CD81: variants seen among roughly 807,000 people sequenced by gnomAD.
The protein encoded by CD81 is CD81 molecule.
In CD81, 10 loss-of-function variants were observed where a neutral mutation model predicts 30.1. The observed-to-expected ratio is 0.33, with a 90% CI of 0.21 to 0.56. CD81 has a LOEUF of 0.56. Ranked by LOEUF, CD81 falls within the 20% of genes least tolerant of loss-of-function variation. CD81 has a pLI of 0.89. For missense variants in CD81, 263 were observed against 308.7 expected (o/e 0.85, Z 1.11); for synonymous variants, 147 against 126.4 (o/e 1.16, Z -1.10).
At chr11:2,387,417 G>A (rs1849816864) in intron 1 of CD81, among the ~76,000 whole-genome samples, 1 of 152,210 alleles carries the variant, frequency 6.6e-6, no homozygotes, top group Non-Finnish European at 1.5e-5. Context: ...GTTTTCAAAG[G>A]CCCTGGAGGA....
At chr11:2,392,230 G>A (rs1849912409) in intron 2 of CD81, 1 of 152,372 alleles carries the variant, frequency 6.6e-6, no homozygotes, top group South Asian at 2.1e-4. Flanking sequence ...TGTGGGGTCG[G>A]CGTCGGGCCC....
chr11:2,393,381 T>C (rs1322094623), intron 2 of CD81: 2 of 157,426 alleles, frequency 1.3e-5, no homozygotes, highest in Non-Finnish European at 2.8e-5. Flanking sequence ...CCAGGGAGCG[T>C]GGGGGAGTTC....
intron 2 of CD81, chr11:2,393,653 G>T: frequency 1.9e-6 from 1 of 538,488 alleles, no homozygotes; most frequent in East Asian, 3.1e-5. Flanking sequence ...CTCAACCCCG[G>T]CCTACAGTGG....
rs192944421 is a variant in CD81, at chr11:2,388,584, C to T, written c.67-1828C>T. On this transcript the variant is annotated intron_variant, in intron 1 of 7. Coordinates refer to ENST00000263645, the MANE Select transcript of CD81 (RefSeq NM_004356.4). ...AGCCCTGCATCTGTGGTGGGGTCGG[C>T]GCCTGGTGCTGGTGAGGCAAGGCCT... Among the ~76,000 whole-genome samples, 45 of 152,332 alleles carry T rather than the reference C, an allele frequency of 3.0e-4. No homozygotes were observed. The East Asian group carries it at 5.2e-3, about 18-fold the overall frequency.
At chr11:2,379,984 G>T (rs1849678131) in intron 1 of CD81, among the ~76,000 whole-genome samples, 1 of 152,150 alleles carries the variant, frequency 6.6e-6, no homozygotes, top group African/African-American at 2.4e-5. Flanking sequence ...CCAACACACT[G>T]CTCTGGTCCT....
At chr11:2,396,148 G>C in intron 6 of CD81, 178 bp downstream of exon 6, 2 of 658,734 alleles carry the variant, frequency 3.0e-6, no homozygotes, top group Non-Finnish European at 5.5e-6. Context: ...GGCCCACGAG[G>C]AAGGCAGGCG....
At chr11:2,385,215 G>A (rs553189976) in intron 1 of CD81, among the ~76,000 whole-genome samples, 3 of 152,116 alleles carry the variant, frequency 2.0e-5, no homozygotes, top group South Asian at 4.1e-4. Flanking sequence ...TTATTTAGAC[G>A]TGATTGACAC....
At chr11:2,387,829 AGGCT>A (rs1207771084) in intron 1 of CD81, among the ~76,000 whole-genome samples, 2 of 152,150 alleles carry the variant, frequency 1.3e-5, no homozygotes, top group East Asian at 3.9e-4. Context: ...CGGGGGAAGT[AGGCT>A]GCCATCCTCG....
At position 2,397,227 on chromosome 11, in the gene CD81, C is replaced by T; in HGVS notation, c.*361C>T. ...GGGGGGCTGTGTCCACCCAGCCCGC[C>T]CGTCCTGTGGGCTGCACAGCTCACC... On this transcript the variant is annotated 3_prime_UTR_variant, in exon 8 of 8. Transcript: ENST00000263645. The T allele has an allele frequency of 2.5e-6, 1 of 395,878 alleles. No individual in the cohort carries two copies. Among genetic ancestry groups the T allele is most frequent in the Non-Finnish European group, 4.8e-6 (1 of 209,254 alleles). 24.5% of individuals were successfully genotyped at this position (395,878 alleles called of 1,614,324 possible). A position where few individuals can be genotyped will look rare whatever the true frequency, so the allele number is the denominator to read the frequency against.
At chr11:2,385,870 G>T (rs938800939) in intron 1 of CD81, 8 of 648,960 alleles carry the variant, frequency 1.2e-5, no homozygotes, top group Non-Finnish European at 2.0e-5. Flanking sequence ...GAACATTTGT[G>T]TACAAGTCTT....
rs1849632947 is a variant in CD81, at chr11:2,378,162, C to T, written c.66+547C>T. Reference sequence around the variant, plus strand: ...CTCTTTCCCCAGCCCAGCTCACTCTCCAATCTGCGGTCACCACCCGAGACC... The same window carrying T: ...CTCTTTCCCCAGCCCAGCTCACTCTTCAATCTGCGGTCACCACCCGAGACC... On this transcript the variant is annotated intron_variant, in intron 1 of 7. Transcript: ENST00000263645. This position sits in a 1 kb window ranked among gnomAD's most constrained non-coding sequence, Gnocchi z 4.9. Among the ~76,000 whole-genome samples the T allele has an allele frequency of 1.3e-5, 2 of 152,092 alleles. No individual in the cohort carries two copies. Among genetic ancestry groups the T allele is most frequent in the South Asian group, 2.1e-4 (1 of 4,826 alleles).
chr11:2,376,918 A>G (rs1385412569), upstream of CD81: 1 of 152,328 alleles, frequency 6.6e-6, no homozygotes, highest in Non-Finnish European at 1.5e-5. Context: ...CGGATTGTCC[A>G]AGGTGCTCAC....
intron 1 of CD81, among the ~76,000 whole-genome samples, chr11:2,385,416 G>C (rs912512602): frequency 6.6e-6 from 1 of 152,152 alleles, no homozygotes; most frequent in Non-Finnish European, 1.5e-5. Context: ...TTCAACAAGC[G>C]GACTCAGAAG....
Position 2,395,036 on chromosome 11 carries a change from A to T in CD81, c.344A>T (p.Asn115Ile), listed in dbSNP as rs780721170. ...GCCGCCGGCATCTGGGGCTTTGTCA[A>T]CAAGGACCAGGTGAGCCTGGGTGTG... The part of the protein sequence containing the change: ...EVAAGIWGFV[N>I]KDQIAKDVKQ... The change falls in exon 4 of 8, where the codon AAC becomes ATC. Residue 115 changes from asparagine to isoleucine, a missense_variant. By Grantham distance (149) the Asn-to-Ile change is moderately radical. Transcript: ENST00000263645. 1 of 1,610,538 alleles carries T rather than the reference A, an allele frequency of 6.2e-7. No individual in the cohort carries two copies. The highest frequency in any genetic ancestry group is 8.5e-7 in the Non-Finnish European group (1 of 1,178,802).
At chr11:2,384,082 G>A (rs1849743888) in intron 1 of CD81, among the ~76,000 whole-genome samples, 1 of 152,210 alleles carries the variant, frequency 6.6e-6, no homozygotes. Flanking sequence ...GGAACCCAGT[G>A]TGCTTGGCAG....
Position 2,385,659 on chromosome 11 carries a change from G to A in CD81, c.67-4753G>A, listed in dbSNP as rs1849783628. On this transcript the variant is annotated intron_variant, in intron 1 of 7. Transcript: ENST00000263645. Reference sequence around the variant, plus strand: ...CGTCTGTGCACCCGTGCTGTGGTGTGCCCGTCGTCTGTGCACCCGTGCCGT... The same window carrying A: ...CGTCTGTGCACCCGTGCTGTGGTGTACCCGTCGTCTGTGCACCCGTGCCGT... 9.0e-5 allele frequency: 3 copies of A among 33,300 alleles called. 1 individual carries two copies. Among genetic ancestry groups the A allele is most frequent in the East Asian group, 6.2e-4 (2 of 3,204 alleles). 2.1% of individuals were successfully genotyped at this position (33,300 alleles called of 1,614,324 possible).
Position 2,377,520 on chromosome 11 carries a change from C to G in CD81, c.-30C>G, listed in dbSNP as rs1417109841. The G allele has an allele frequency of 3.9e-6, 5 of 1,267,418 alleles. No homozygotes were observed. Among genetic ancestry groups the G allele is most frequent in the Non-Finnish European group, 5.1e-6 (5 of 972,860 alleles). 78.5% of individuals were successfully genotyped at this position (1,267,418 alleles called of 1,614,324 possible). A position where few individuals can be genotyped will look rare whatever the true frequency, so the allele number is the denominator to read the frequency against. The stretch of plus-strand genomic sequence containing the variant: ...GCCCGCCGCCCAGGACCGGCCCGCG[C>G]CCCGCAGGCCGCCCGCCGCCCGCGC... On this transcript the variant is annotated 5_prime_UTR_variant, in exon 1 of 8. Transcript: ENST00000263645. The surrounding 1 kb of genome is among the most constrained non-coding windows in gnomAD (Gnocchi z 7.7).
chr11:2,386,202 G>C (rs1031667202), intron 1 of CD81: 1 of 714,324 alleles, frequency 1.4e-6, no homozygotes, highest in African/African-American at 1.8e-5. Context: ...TGGATCTTGC[G>C]GGGAAGGGTC....
Position 2,395,956 on chromosome 11 carries a change from A to G in CD81, c.547A>G (p.Ser183Gly). Reference protein sequence around the residue: ...NLCPSGSNIISNLFKEDCHQK... With the variant: ...NLCPSGSNIIGNLFKEDCHQK... ...GTGTCCCTCGGGCAGCAACATCATC[A>G]GCAACCTCTTCAAGGTGCGCGAGGC... is the stretch of plus-strand genomic sequence containing the variant. Residue 183 changes from serine to glycine, a missense_variant, in exon 6 of 8, where the codon AGC (serine) becomes GGC (glycine). Ser to Gly is a moderately conservative substitution (Grantham distance 56, BLOSUM62 0). Around this residue, in one of 3 missense-constraint regions of CD81, gnomAD observed 176 missense variants for 192.9 expected, o/e 0.91. Coordinates refer to ENST00000263645, the MANE Select transcript of CD81 (RefSeq NM_004356.4). 3 of 1,610,686 alleles carry G rather than the reference A, an allele frequency of 1.9e-6. No individual in the cohort carries two copies. The highest frequency in any genetic ancestry group is 2.5e-6 in the Non-Finnish European group (3 of 1,178,204).
Sources: gnomAD v4.1 joint callset for allele counts (sites outside exome capture counted in the v4.1 genomes callset) on GRCh38, gnomAD v4.1.1 for gene constraint, gnomAD v4.1.1 regional missense constraint, Gnocchi (gnomAD v3.1) non-coding constraint, MANE v1.5 for transcripts, NCBI Gene and HGNC (gene_info 2026-07-23, HGNC 2026-07-21) for gene names.